Variants in PLEK2 observed in about 807,000 individuals in gnomAD.
The protein encoded by PLEK2 is pleckstrin-2.
In PLEK2, 29 loss-of-function variants were observed where a neutral mutation model predicts 43.8. The observed-to-expected ratio is 0.66, with a 90% CI of 0.49 to 0.90. The LOEUF is 0.90. Among genes scored for constraint, PLEK2 ranks in the 40% least tolerant of loss-of-function variants. The pLI is 0.00. For missense variants in PLEK2, 398 were observed against 448.1 expected (o/e 0.89, Z 1.01); for synonymous variants, 162 against 173.2 (o/e 0.94, Z 0.51).
At position 67,397,738 on chromosome 14, in the gene PLEK2, A is replaced by C. The variant is rs185648616; in HGVS notation, c.131T>G (p.Val44Gly). 3.7e-6 allele frequency: 6 copies of C among 1,612,622 alleles called. No individual in the cohort carries two copies. The highest frequency in any genetic ancestry group is 5.1e-6 in the Non-Finnish European group (6 of 1,179,120). The stretch of plus-strand genomic sequence containing the variant: ...GAGGATCCGGCCCTTGGGAGGGGTC[A>C]CTCTCCGACCCCCCTCAAGCTTGTA... The part of the protein sequence containing the change: ...VYYKLEGGRR[V>G]TPPKGRILLD... The change falls in exon 2 of 9, where the codon GTG (valine) becomes GGG (glycine). Residue 44 changes from valine to glycine, a missense_variant. Transcript: ENST00000216446.
intron 1 of PLEK2, among the ~76,000 whole-genome samples, chr14:67,399,687 G>T (rs113100123): frequency 0.016 from 2,077 of 131,538 alleles, 59 homozygotes; most frequent in African/African-American, 0.043. Context: ...GTTTAGGTGG[G>T]TCTCAGGTGG....
intron 3 of PLEK2, among the ~76,000 whole-genome samples, chr14:67,394,936 C>T (rs2085995787): frequency 1.3e-5 from 2 of 152,180 alleles, no homozygotes; most frequent in Non-Finnish European, 2.9e-5. Flanking sequence ...CCTCAGGACT[C>T]TGCAGAGAAC....
intron 1 of PLEK2, among the ~76,000 whole-genome samples, chr14:67,404,693 C>T (rs745864647): frequency 6.6e-6 from 1 of 150,586 alleles, no homozygotes; most frequent in East Asian, 2.0e-4. Context: ...ACCTGTGGTC[C>T]CAGCCACTCA....
At chr14:67,395,994 G>A (rs1236366650) in intron 2 of PLEK2, among the ~76,000 whole-genome samples, 3 of 152,262 alleles carry the variant, frequency 2.0e-5, no homozygotes, top group South Asian at 2.1e-4. Flanking sequence ...ATTAGGAAAT[G>A]ACAGGATATT....
chr14:67,393,175 T>C lies in PLEK2; in HGVS notation c.456A>G (p.Gly152=), dbSNP rs1269955983. ...GIRSSPNMEQ[G]STYKKTFLGS... ...CGAGGAAGGTCTTTTTATAGGTGCT[T>C]CCCTGCTCCATGTTGGGGCTTGAAC... The change falls in exon 4 of 9, where the codon GGA becomes GGG. Residue 152 remains glycine, a synonymous_variant. Transcript: ENST00000216446. 6.2e-7 allele frequency: 1 copy of C among 1,613,718 alleles called. No homozygotes were observed.
chr14:67,390,865 T>TA (rs1163715144), intron 6 of PLEK2, 119 bp from the exon 7 acceptor site: 1 of 776,472 alleles, frequency 1.3e-6, no homozygotes, highest in African/African-American at 1.7e-5. Context: ...GACTACATTC[T>TA]AAAACCAGTC....
intron 1 of PLEK2, among the ~76,000 whole-genome samples, chr14:67,406,759 C>A (rs138148439): frequency 6.6e-6 from 1 of 152,154 alleles, no homozygotes; most frequent in Non-Finnish European, 1.5e-5. Context: ...AAAGCACCAC[C>A]GGTTCTGCTC....
Position 67,409,530 on chromosome 14 carries a change from G to A in PLEK2, c.42+2488C>T, listed in dbSNP as rs1458428817. On this transcript the variant is annotated intron_variant, in intron 1 of 8. Transcript: ENST00000216446. ...CAATATGAGCCCAGCAGGAACGCCC[G>A]GCAGTGCTTCTGTCTCTTCTCCCAG... 3.3e-5 allele frequency among the ~76,000 whole-genome samples: 5 copies of A among 152,256 alleles called. No individual in the cohort carries two copies. In the East Asian group the frequency reaches 5.8e-4, roughly 18 times the overall value.
intron 5 of PLEK2, 75 bp downstream of exon 5, chr14:67,392,587 C>T: frequency 1.5e-6 from 2 of 1,378,202 alleles, no homozygotes; most frequent in Middle Eastern, 1.8e-4. Flanking sequence ...ATGACTGTGG[C>T]CCCCAGGCCC....
intron 8 of PLEK2, 55 bp downstream of exon 8, chr14:67,388,169 G>A: frequency 1.8e-6 from 2 of 1,091,164 alleles, no homozygotes; most frequent in Non-Finnish European, 2.8e-6. Flanking sequence ...ACATTACTGA[G>A]GTGCAGGAGG....
At chr14:67,397,627 C>G in intron 2 of PLEK2, 35 bp downstream of exon 2, 1 of 1,573,206 alleles carries the variant, frequency 6.4e-7, no homozygotes. Flanking sequence ...GGCTGTGGAA[C>G]AGAGAGGAGC....
At chr14:67,407,328 G>A (rs892110990) in intron 1 of PLEK2, among the ~76,000 whole-genome samples, 1 of 151,954 alleles carries the variant, frequency 6.6e-6, no homozygotes, top group Non-Finnish European at 1.5e-5. Flanking sequence ...TCACTATGTT[G>A]TCTAGGCTGG....
intron 7 of PLEK2, among the ~76,000 whole-genome samples, chr14:67,388,771 C>T (rs1164339068): frequency 6.6e-6 from 1 of 152,128 alleles, no homozygotes; most frequent in African/African-American, 2.4e-5. Flanking sequence ...CCTCTGCCTC[C>T]CAGGTTCAAG....
At chr14:67,400,827 G>T (rs181534264) in intron 1 of PLEK2, among the ~76,000 whole-genome samples, 19 of 151,826 alleles carry the variant, frequency 1.3e-4, no homozygotes, top group African/African-American at 4.4e-4. Flanking sequence ...ATCTCTACAA[G>T]AAAAAATTAA....
Position 67,395,593 on chromosome 14 carries a change from G to A in PLEK2, c.208-10C>T, listed in dbSNP as rs1490600813. On this transcript the variant is annotated splice_polypyrimidine_tract_variant and intron_variant, in intron 2 of 8. Transcript: ENST00000216446. Reference sequence around the variant, plus strand: ...TCAGCTTAATGAGGAGCTGTGGGAAGAGAGAGCCAGTCAGGCCAGCACTCA... The same window carrying A: ...TCAGCTTAATGAGGAGCTGTGGGAAAAGAGAGCCAGTCAGGCCAGCACTCA... The A allele has an allele frequency of 6.2e-7, 1 of 1,609,660 alleles. No homozygotes were observed. The highest frequency in any genetic ancestry group is 8.5e-7 in the Non-Finnish European group (1 of 1,176,156).
At chr14:67,392,537 A>G (rs1384842485) in intron 5 of PLEK2, 110 bp from the exon 6 acceptor site, 9 of 1,199,512 alleles carry the variant, frequency 7.5e-6, no homozygotes, top group African/African-American at 7.5e-5. Flanking sequence ...CTCATTCTGC[A>G]TCAGGATGAA....
rs149953759 is a variant in PLEK2, at chr14:67,392,875, C to T, written c.482-26G>A. On this transcript the variant is annotated intron_variant, in intron 4 of 8. Transcript: ENST00000216446. ...CTGGCCAAGGGCAGCACCAGTCAGGCGATGGGTGATGGACCAGCGTCCTTG... is the reference window on the plus strand; with the variant it reads ...CTGGCCAAGGGCAGCACCAGTCAGGTGATGGGTGATGGACCAGCGTCCTTG... 786 of 1,580,342 alleles carry T rather than the reference C, an allele frequency of 5.0e-4. 1 individual carries two copies. Among genetic ancestry groups the T allele is most frequent in the Non-Finnish European group, 5.0e-4 (583 of 1,157,930 alleles).
At chr14:67,408,295 TAAATAAAATAAAATAAAATA>T (rs571696195) in intron 1 of PLEK2, among the ~76,000 whole-genome samples, 2,789 of 116,714 alleles carry the variant, frequency 0.024, 46 homozygotes, top group South Asian at 0.069. Context: ...TCAAAATAAA[TAAATAAAATAAAATAAAATA>T]AAATAAAATA....
chr14:67,411,732 C>A (rs2086116334), intron 1 of PLEK2, among the ~76,000 whole-genome samples: 1 of 152,218 alleles, frequency 6.6e-6, no homozygotes, highest in Admixed American at 6.5e-5. Context: ...AATATTTTAA[C>A]AAGTTTTAAT....
Sources: allele counts gnomAD v4.1 joint callset (sites outside exome capture counted in the v4.1 genomes callset), GRCh38; gene constraint gnomAD v4.1.1; transcripts MANE v1.5; gene names NCBI Gene and HGNC (gene_info 2026-07-23, HGNC 2026-07-21).